OSER1: variants seen among roughly 807,000 people sequenced by gnomAD.
OSER1 encodes oxidative stress responsive serine rich 1, also known as oxidative stress-responsive serine-rich protein 1.
OSER1 carries 15 observed loss-of-function variants against 26.3 expected under a neutral mutation model. That is an observed-to-expected ratio of 0.57 (90% CI 0.38 to 0.88). OSER1 has a LOEUF of 0.88. Ranked by LOEUF, OSER1 falls within the 40% of genes least tolerant of loss-of-function variation. The pLI is 0.00. For synonymous variants in OSER1, 127 were observed against 128.2 expected (o/e 0.99, Z 0.07); for missense variants, 313 against 353.9 (o/e 0.88, Z 0.93).
At chr20:44,201,751 G>C (rs766691801) in intron 3 of OSER1, among the ~76,000 whole-genome samples, 1 of 152,000 alleles carries the variant, frequency 6.6e-6, no homozygotes, top group Non-Finnish European at 1.5e-5. Context: ...GTAAAATCAA[G>C]GCTAACAACT....
At chr20:44,207,403 T>C in intron 1 of OSER1, 1 of 159,672 alleles carries the variant, frequency 6.3e-6, no homozygotes, top group East Asian at 1.8e-4. Flanking sequence ...TGAGTATTTG[T>C]CTGGCCTAAC....
Position 44,207,013 on chromosome 20 carries a change from A to ATT in OSER1, c.-41-16_-41-15insAA, listed in dbSNP as rs1378629494. The ATT allele has an allele frequency of 3.2e-6, 4 of 1,257,740 alleles. No individual in the cohort carries two copies. The highest frequency in any genetic ancestry group is 3.5e-6 in the Non-Finnish European group (3 of 866,100). 77.9% of individuals were successfully genotyped at this position (1,257,740 alleles called of 1,614,324 possible). ...TCCTGTTTACACTAAAAAAGAAAAT[A>ATT]AAGTGAGCAAAGTAAAAACAGGTGG... On this transcript the variant is annotated splice_polypyrimidine_tract_variant and intron_variant, in intron 1 of 3. Coordinates refer to ENST00000255174, the MANE Select transcript of OSER1 (RefSeq NM_016470.8).
intron 3 of OSER1, among the ~76,000 whole-genome samples, chr20:44,199,214 T>C (rs558808062): frequency 2.5e-4 from 38 of 152,286 alleles, no homozygotes; most frequent in African/African-American, 8.9e-4. Context: ...GCTGAGACCT[T>C]TGGGGGTGAT....
intron 2 of OSER1, among the ~76,000 whole-genome samples, chr20:44,204,623 AG>A (rs1341050057): frequency 6.6e-6 from 1 of 152,140 alleles, no homozygotes; most frequent in African/African-American, 2.4e-5. Flanking sequence ...CCCTATAGGT[AG>A]GTTTTCCACC....
chr20:44,197,031 A>AT lies in OSER1; in HGVS notation c.*20dup, dbSNP rs2072925862. The AT allele has an allele frequency of 6.5e-7, 1 of 1,548,306 alleles. No homozygotes were observed. Among genetic ancestry groups the AT allele is most frequent in the African/African-American group, 1.4e-5 (1 of 73,688 alleles). On this transcript the variant is annotated 3_prime_UTR_variant, in exon 4 of 4. Transcript: ENST00000255174. ...TGACAAGCCTTCATTGGTTTAAAGC[A>AT]TATGAATTAGCTTCTTGCTATCAGG...
chr20:44,211,198 G>C (rs185981054), upstream of OSER1: 9 of 152,480 alleles, frequency 5.9e-5, no homozygotes, highest in African/African-American at 2.2e-4. Context: ...GCGGGGGCGA[G>C]GACAGGGTGC....
chr20:44,205,079 C>T (rs533982148), intron 2 of OSER1, among the ~76,000 whole-genome samples: 1 of 152,268 alleles, frequency 6.6e-6, no homozygotes, highest in East Asian at 1.9e-4. Flanking sequence ...AAGTGATGTG[C>T]TCACCTTGGC....
In OSER1 at chr20:44,206,913, A is replaced by G. The variant is rs189688626; in HGVS notation, c.45T>C (p.Thr15=). 3 of 1,574,164 alleles carry G rather than the reference A, an allele frequency of 1.9e-6. No individual in the cohort carries two copies. The highest frequency in any genetic ancestry group is 2.2e-5 in the East Asian group (1 of 44,678). ...AKDGEEESLQ[T]AFKKLRVDAS... ...CATCCACTCTTAATTTTTTGAAAGC[A>G]GTCTGTAGACTCTCCTCCTCTCCAT... Residue 15 remains threonine (T), a synonymous_variant, in exon 2 of 4, where the codon ACT becomes ACC. Transcript: ENST00000255174.
At chr20:44,209,314 C>A (rs1338536564) in intron 1 of OSER1, among the ~76,000 whole-genome samples, 1 of 152,152 alleles carries the variant, frequency 6.6e-6, no homozygotes, top group Non-Finnish European at 1.5e-5. Flanking sequence ...CATTTTTTTA[C>A]TACTCACTTT....
intron 3 of OSER1, among the ~76,000 whole-genome samples, chr20:44,202,468 G>A (rs1015289102): frequency 3.3e-5 from 5 of 151,986 alleles, no homozygotes; most frequent in African/African-American, 1.2e-4. Flanking sequence ...GAGGGATTAA[G>A]AATGTCACTA....
chr20:44,210,399 G>A (rs1261895972), intron 1 of OSER1, among the ~76,000 whole-genome samples: 2 of 152,236 alleles, frequency 1.3e-5, no homozygotes, highest in East Asian at 3.9e-4. Context: ...GGCCAAGGAG[G>A]GCGAAAAGGG....
At chr20:44,199,947 G>C (rs2072963832) in intron 3 of OSER1, among the ~76,000 whole-genome samples, 1 of 152,312 alleles carries the variant, frequency 6.6e-6, no homozygotes, top group African/African-American at 2.4e-5. Context: ...TTGTAACAGG[G>C]GCCAGCAAAT....
rs747001419 is a variant in OSER1 at position 44,197,749 on chromosome 20, A to G, written c.192-10T>C. 1.3e-6 allele frequency: 2 copies of G among 1,540,038 alleles called. No homozygotes were observed. Among genetic ancestry groups the G allele is most frequent in the Admixed American group, 3.4e-5 (2 of 58,116 alleles). On this transcript the variant is annotated splice_polypyrimidine_tract_variant and intron_variant, in intron 3 of 3. Transcript: ENST00000255174. ...AGACTTCCTTGTAGACCTAAAGAGG[A>G]AAAAAAATATACAAGAAGATGTTGG...
intron 1 of OSER1, among the ~76,000 whole-genome samples, chr20:44,210,492 G>C (rs1374809659): frequency 6.6e-6 from 1 of 152,178 alleles, no homozygotes; most frequent in Non-Finnish European, 1.5e-5. Context: ...GAAGGGGAGA[G>C]AGCGTGGAGC....
At chr20:44,208,087 T>C (rs767866712) in intron 1 of OSER1, among the ~76,000 whole-genome samples, 15 of 152,012 alleles carry the variant, frequency 9.9e-5, no homozygotes, top group Non-Finnish European at 1.8e-4. Flanking sequence ...ACTTCACCTC[T>C]TTATTTCTAA....
rs993041803 is a variant in OSER1, at chr20:44,202,849, A to G, written c.191+112T>C. Reference sequence around the variant, plus strand: ...AGAAGGAATAGGTCCTCATCTAATCATTGGGTCTTAGGTTCTATATCATAA... The same window carrying G: ...AGAAGGAATAGGTCCTCATCTAATCGTTGGGTCTTAGGTTCTATATCATAA... On this transcript the variant is annotated intron_variant, in intron 3 of 3. Coordinates refer to ENST00000255174, the MANE Select transcript of OSER1 (RefSeq NM_016470.8). 9.1e-6 allele frequency: 5 copies of G among 550,078 alleles called. No individual in the cohort carries two copies. In the African/African-American group the frequency reaches 9.4e-5, roughly 10 times the overall value. The allele number at this position is 550,078 out of a possible 1,614,324, so 34.1% of individuals were successfully genotyped here.
intron 2 of OSER1, among the ~76,000 whole-genome samples, chr20:44,204,245 T>C (rs2073017205): frequency 6.6e-6 from 1 of 152,226 alleles, no homozygotes; most frequent in Non-Finnish European, 1.5e-5. Flanking sequence ...GGAAAACCTG[T>C]TGAACAGGAT....
At chr20:44,210,355 G>C (rs1385053409) in intron 1 of OSER1, among the ~76,000 whole-genome samples, 1 of 152,232 alleles carries the variant, frequency 6.6e-6, no homozygotes, top group Admixed American at 6.5e-5. Context: ...GGGGCTCCGA[G>C]GCGAGAGAGA....
rs143832828 is a variant in OSER1, at chr20:44,204,972, G to A, written c.78-1898C>T. Reference sequence around the variant, plus strand: ...CCTACCTCAGCCTACAGAGCAGCTGGGACTACAGGCACGCACCACCATGCC... The same window carrying A: ...CCTACCTCAGCCTACAGAGCAGCTGAGACTACAGGCACGCACCACCATGCC... On this transcript the variant is annotated intron_variant, in intron 2 of 3. Transcript: ENST00000255174. Among the ~76,000 whole-genome samples the A allele has an allele frequency of 3.3e-4, 50 of 152,082 alleles. 1 individual carries two copies. In the East Asian group the frequency reaches 7.9e-3, roughly 24 times the overall value.
Sources: allele counts gnomAD v4.1 joint callset (sites outside exome capture counted in the v4.1 genomes callset), GRCh38; gene constraint gnomAD v4.1.1; transcripts MANE v1.5; gene names NCBI Gene and HGNC (gene_info 2026-07-23, HGNC 2026-07-21).